Variants in SAMMSON observed in about 807,000 individuals in gnomAD.
SAMMSON encodes the protein survival associated mitochondrial melanoma specific oncogenic non-coding RNA.
rs1462763481 is a variant in SAMMSON, at chr3:70,404,509, A to C, written n.233+46185A>C. On this transcript the variant is annotated intron_variant and non_coding_transcript_variant, in intron 2 of 3. Transcript: ENST00000641053. ...TAATTAATCTTCTTGGGATTCAAGC[A>C]TAAGAATAAAAATTATGGTAAGGAT... Among the ~76,000 whole-genome samples the C allele has an allele frequency of 3.3e-5, 5 of 152,260 alleles. No individual in the cohort carries two copies. The East Asian group carries it at 9.7e-4, about 29-fold the overall frequency.
chr3:70,306,098 A>C (rs1486160799), intron 7 of SAMMSON, among the ~76,000 whole-genome samples: 2 of 151,968 alleles, frequency 1.3e-5, no homozygotes, highest in Non-Finnish European at 1.5e-5. Context: ...TAAATAATGG[A>C]GTTTATTTAT....
intron 2 of SAMMSON, among the ~76,000 whole-genome samples, chr3:70,424,127 C>G (rs1165625599): frequency 6.6e-6 from 1 of 152,184 alleles, no homozygotes; most frequent in Non-Finnish European, 1.5e-5. Flanking sequence ...ATTCAAAACT[C>G]TATGTACATG....
At chr3:70,292,301 T>C (rs1316460820) in intron 7 of SAMMSON, among the ~76,000 whole-genome samples, 2 of 152,184 alleles carry the variant, frequency 1.3e-5, no homozygotes, top group African/African-American at 4.8e-5. Flanking sequence ...GTTTATAATA[T>C]ATAGTATCTA....
chr3:70,126,623 A>T (rs2067460046), intron 4 of SAMMSON: 1 of 357,672 alleles, frequency 2.8e-6, no homozygotes, highest in African/African-American at 2.1e-5. Flanking sequence ...TTCAAGCAAA[A>T]ATTGGCCCAG....
At chr3:70,404,237 C>T (rs991543394) in intron 2 of SAMMSON, among the ~76,000 whole-genome samples, 3 of 151,872 alleles carry the variant, frequency 2.0e-5, no homozygotes, top group Non-Finnish European at 2.9e-5. Context: ...ACAATGTTTG[C>T]TCATATTCTT....
intron 4 of SAMMSON, among the ~76,000 whole-genome samples, chr3:70,138,461 T>TC (rs1240602578): frequency 6.6e-6 from 1 of 152,006 alleles, no homozygotes; most frequent in Non-Finnish European, 1.5e-5. Flanking sequence ...AGAGGCTTTT[T>TC]TTGTAATCCC....
intron 4 of SAMMSON, among the ~76,000 whole-genome samples, chr3:70,150,013 C>CT (rs1185960968): frequency 2.6e-5 from 4 of 152,154 alleles, no homozygotes; most frequent in Non-Finnish European, 4.4e-5. Context: ...CTCACCACTC[C>CT]TTTTTTTCTT....
intron 4 of SAMMSON, among the ~76,000 whole-genome samples, chr3:70,173,444 A>C (rs962613287): frequency 3.9e-5 from 6 of 151,982 alleles, no homozygotes; most frequent in Admixed American, 2.6e-4. Flanking sequence ...AAATTTTCAC[A>C]GCAGTAACAA....
intron 4 of SAMMSON, among the ~76,000 whole-genome samples, chr3:70,165,792 G>A (rs900873468): frequency 6.6e-6 from 1 of 151,906 alleles, no homozygotes; most frequent in African/African-American, 2.4e-5. Flanking sequence ...CTTATAGGAC[G>A]TGGTGTCATG....
At chr3:70,385,348 T>C (rs982278587) in intron 9 of SAMMSON, among the ~76,000 whole-genome samples, 4 of 152,116 alleles carry the variant, frequency 2.6e-5, no homozygotes, top group South Asian at 4.1e-4. Flanking sequence ...ATGTTAAAGA[T>C]TGAAGACAAA....
intron 4 of SAMMSON, chr3:70,249,066 C>G (rs1040853429): frequency 2.0e-5 from 3 of 152,150 alleles, no homozygotes; most frequent in African/African-American, 4.8e-5. Flanking sequence ...GGTCCCTACT[C>G]AAGTCCTTCT....
intron 4 of SAMMSON, among the ~76,000 whole-genome samples, chr3:70,194,981 G>A (rs746354103): frequency 4.6e-5 from 7 of 152,130 alleles, no homozygotes; most frequent in Admixed American, 2.0e-4. Context: ...CAGTCTGGTA[G>A]TGTTTTAGTA....
chr3:70,038,399 A>G lies in SAMMSON; in HGVS notation n.417+24727A>G, dbSNP rs112739574. 5.3e-5 allele frequency among the ~76,000 whole-genome samples: 8 copies of G among 152,176 alleles called. 1 individual carries two copies. Among genetic ancestry groups the G allele is most frequent in the African/African-American group, 1.9e-4 (8 of 41,542 alleles). On this transcript the variant is annotated intron_variant and non_coding_transcript_variant, in intron 3 of 9. Transcript: ENST00000642114. ...GCCCCCTCCCTTTCCACTTTCTGCCAGGAGTTGAAGTAATCTGAAGCCCTC... is the reference window on the plus strand; with the variant it reads ...GCCCCCTCCCTTTCCACTTTCTGCCGGGAGTTGAAGTAATCTGAAGCCCTC...
chr3:70,410,277 A>T (rs138963587), intron 2 of SAMMSON, among the ~76,000 whole-genome samples: 3 of 152,316 alleles, frequency 2.0e-5, no homozygotes, highest in Non-Finnish European at 4.4e-5. Context: ...AAAACCAGGT[A>T]TAGTGTTCAT....
At chr3:70,132,475 C>A (rs2067486411) in intron 4 of SAMMSON, among the ~76,000 whole-genome samples, 1 of 152,162 alleles carries the variant, frequency 6.6e-6, no homozygotes, top group Non-Finnish European at 1.5e-5. Flanking sequence ...CTCCTATAAT[C>A]TGTGGGATAT....
At chr3:70,174,600 T>A (rs891713737) in intron 4 of SAMMSON, among the ~76,000 whole-genome samples, 1 of 152,066 alleles carries the variant, frequency 6.6e-6, no homozygotes, top group Admixed American at 6.6e-5. Flanking sequence ...TACTTCATGG[T>A]GTCTAAGAAG....
chr3:70,211,364 G>T (rs796333377), intron 4 of SAMMSON, among the ~76,000 whole-genome samples: 736 of 2,690 alleles, frequency 0.27, 319 homozygotes, highest in Middle Eastern at 1. Flanking sequence ...CCTTCCCTTT[G>T]CCCTTCCCTT....
intron 4 of SAMMSON, among the ~76,000 whole-genome samples, chr3:70,135,790 A>G (rs1477274192): frequency 6.6e-6 from 1 of 152,212 alleles, no homozygotes; most frequent in Non-Finnish European, 1.5e-5. Context: ...TGTTATGTAT[A>G]TACTTTGTCA....
At chr3:70,391,330 A>C (rs1021739491), downstream of SAMMSON, among the ~76,000 whole-genome samples, 1 of 152,152 alleles carries the variant, frequency 6.6e-6, no homozygotes, top group African/African-American at 2.4e-5. Flanking sequence ...ATTTATAATC[A>C]TTTTGATGCA....
Sources: allele counts gnomAD v4.1 joint callset (sites outside exome capture counted in the v4.1 genomes callset), GRCh38; gene constraint gnomAD v4.1.1; transcripts MANE v1.5; gene names NCBI Gene and HGNC (gene_info 2026-07-23, HGNC 2026-07-21).